NELL1: variants seen among roughly 807,000 people sequenced by gnomAD.
NELL1 encodes neural EGFL like 1, also known as protein kinase C-binding protein NELL1.
NELL1 carries 76 observed loss-of-function variants against 107.4 expected under a neutral mutation model. The ratio of observed to expected loss-of-function variants is 0.71; its 90% CI spans 0.59 to 0.86. NELL1 has a LOEUF of 0.86. Among genes scored for constraint, NELL1 ranks in the 40% least tolerant of loss-of-function variants. NELL1 has a pLI of 0.00. For missense variants in NELL1, 1,024 were observed against 1,005.5 expected, an observed-to-expected ratio of 1.02 and a Z score of -0.25; for synonymous variants, 353 against 341.2, an observed-to-expected ratio of 1.03 and a Z score of -0.38.
chr11:21,398,999 G>C lies in NELL1; in HGVS notation c.1645+28051G>C, dbSNP rs1047688037. ...CTCAGAATGGTTGTTACAATATTCA[G>C]ATTTGTCTTTTGGTGGTAAGAACAG... is the stretch of plus-strand genomic sequence containing the variant. On this transcript the variant is annotated intron_variant, in intron 15 of 19. Coordinates refer to ENST00000357134, the MANE Select transcript of NELL1 (RefSeq NM_006157.5). Among the ~76,000 whole-genome samples the C allele has an allele frequency of 6.6e-5, 10 of 151,246 alleles. No homozygotes were observed. In the South Asian group the frequency reaches 1.7e-3, roughly 25 times the overall value.
intron 13 of NELL1, among the ~76,000 whole-genome samples, chr11:21,139,793 A>C (rs1281742913): frequency 2.0e-5 from 3 of 152,164 alleles, no homozygotes; most frequent in African/African-American, 7.2e-5. Flanking sequence ...CAAAATAAAC[A>C]ATAAGGAAGC....
At chr11:21,097,458 A>G (rs1417572054) in intron 12 of NELL1, among the ~76,000 whole-genome samples, 4 of 152,078 alleles carry the variant, frequency 2.6e-5, no homozygotes, top group African/African-American at 7.2e-5. Context: ...GTCCCTCCCT[A>G]TGGGCTGGGG....
intron 5 of NELL1, among the ~76,000 whole-genome samples, chr11:20,911,016 A>C (rs1218471043): frequency 6.6e-6 from 1 of 152,212 alleles, no homozygotes; most frequent in Non-Finnish European, 1.5e-5. Context: ...TATACTGTAG[A>C]AATGAAGGCA....
At chr11:21,448,055 C>T (rs1269123577) in intron 15 of NELL1, among the ~76,000 whole-genome samples, 5 of 152,226 alleles carry the variant, frequency 3.3e-5, no homozygotes, top group African/African-American at 9.6e-5. Context: ...CTCTGAACCA[C>T]GTAGCCACTG....
intron 4 of NELL1, among the ~76,000 whole-genome samples, chr11:20,851,159 AT>A (rs1848788238): frequency 1.3e-5 from 2 of 152,196 alleles, no homozygotes; most frequent in Admixed American, 6.5e-5. Flanking sequence ...TTCCCAGATA[AT>A]TCCATTGCTC....
At chr11:21,317,080 G>A (rs1849895192) in intron 14 of NELL1, among the ~76,000 whole-genome samples, 1 of 151,960 alleles carries the variant, frequency 6.6e-6, no homozygotes, top group Admixed American at 6.6e-5. Flanking sequence ...TACTAGAATT[G>A]ATAATAAGAA....
intron 17 of NELL1, among the ~76,000 whole-genome samples, 198 bp from the exon 18 acceptor site, chr11:21,570,566 A>T (rs1045800983): frequency 4.0e-5 from 6 of 151,808 alleles, no homozygotes; most frequent in African/African-American, 1.4e-4. Context: ...AAATGTTCCT[A>T]TTTTTATTTT....
intron 16 of NELL1, among the ~76,000 whole-genome samples, chr11:21,546,625 G>A (rs1040657298): frequency 6.6e-5 from 10 of 152,078 alleles, no homozygotes; most frequent in African/African-American, 2.4e-4. Flanking sequence ...CGCCATGTAA[G>A]AGGTGCCTTT....
chr11:21,280,196 T>C (rs1414416949), intron 14 of NELL1, among the ~76,000 whole-genome samples: 2 of 152,202 alleles, frequency 1.3e-5, no homozygotes, highest in Non-Finnish European at 2.9e-5. Context: ...TGAAACCTAA[T>C]GTAAACTATG....
chr11:21,512,291 C>A (rs959459250), intron 15 of NELL1, among the ~76,000 whole-genome samples: 1 of 152,124 alleles, frequency 6.6e-6, no homozygotes, highest in Non-Finnish European at 1.5e-5. Context: ...AAGATAAACA[C>A]CTTATCCCAC....
intron 15 of NELL1, among the ~76,000 whole-genome samples, chr11:21,384,397 C>T (rs1165632491): frequency 6.6e-6 from 1 of 151,814 alleles, no homozygotes; most frequent in African/African-American, 2.4e-5. Context: ...ACTTTTTATC[C>T]CCTTTTTCTG....
At chr11:21,421,719 G>C (rs1852677016) in intron 15 of NELL1, among the ~76,000 whole-genome samples, 1 of 152,074 alleles carries the variant, frequency 6.6e-6, no homozygotes, top group South Asian at 2.1e-4. Context: ...AAGGAGCAGA[G>C]AGATTATTTA....
chr11:21,441,575 A>G (rs1239403376), intron 15 of NELL1, among the ~76,000 whole-genome samples: 6 of 152,076 alleles, frequency 3.9e-5, no homozygotes, highest in Non-Finnish European at 8.8e-5. Flanking sequence ...AAAGATCTAG[A>G]TTTTAAACAA....
At chr11:20,899,062 A>G (rs913215666) in intron 5 of NELL1, among the ~76,000 whole-genome samples, 2 of 152,184 alleles carry the variant, frequency 1.3e-5, no homozygotes, top group Non-Finnish European at 2.9e-5. Flanking sequence ...GATATTTAAC[A>G]TACTTCTCGC....
chr11:20,975,738 T>C (rs1331119404), intron 12 of NELL1, among the ~76,000 whole-genome samples: 1 of 101,484 alleles, frequency 9.9e-6, no homozygotes, highest in African/African-American at 4.4e-5. Context: ...ATATAATGTA[T>C]GTATTATATA....
intron 12 of NELL1, among the ~76,000 whole-genome samples, chr11:21,060,219 T>C (rs1476753501): frequency 6.6e-6 from 1 of 152,200 alleles, no homozygotes; most frequent in Non-Finnish European, 1.5e-5. Context: ...GAATCTTGAC[T>C]CTGCTACTTA....
chr11:20,684,491 T>C (rs1854261140), intron 2 of NELL1, among the ~76,000 whole-genome samples: 1 of 152,122 alleles, frequency 6.6e-6, no homozygotes, highest in Non-Finnish European at 1.5e-5. Context: ...TACCTAACTC[T>C]TTGAATATAT....
chr11:20,942,658 C>T (rs1437369262), intron 10 of NELL1, among the ~76,000 whole-genome samples: 1 of 152,116 alleles, frequency 6.6e-6, no homozygotes, highest in Admixed American at 6.5e-5. Context: ...CCATACATGT[C>T]CTTCTTGAAT....
Position 21,058,548 on chromosome 11 carries a change from C to T in NELL1, c.1301-55041C>T, listed in dbSNP as rs185860708. 2.9e-3 allele frequency among the ~76,000 whole-genome samples: 437 copies of T among 152,202 alleles called. 1 individual carries two copies. Among genetic ancestry groups the T allele is most frequent in the African/African-American group, 9.6e-3 (400 of 41,550 alleles). ...ACTTTGTAGCATTTTATCTTGCTTG[C>T]AGAGTGACACTTAAGCCCCTGATTG... is the stretch of plus-strand genomic sequence containing the variant. On this transcript the variant is annotated intron_variant, in intron 12 of 19. Transcript: ENST00000357134.
Sources: allele counts gnomAD v4.1 joint callset (sites outside exome capture counted in the v4.1 genomes callset), GRCh38; gene constraint gnomAD v4.1.1; transcripts MANE v1.5; gene names NCBI Gene and HGNC (gene_info 2026-07-23, HGNC 2026-07-21).